MTUS2: variants seen among roughly 807,000 people sequenced by gnomAD.
MTUS2 encodes microtubule associated scaffold protein 2.
In MTUS2, 40 loss-of-function variants were observed where a neutral mutation model predicts 114.1. The observed-to-expected ratio is 0.35, with a 90% CI of 0.27 to 0.46. The LOEUF (loss-of-function observed/expected upper bound fraction) is 0.46. MTUS2 is among the 20% of genes least tolerant of loss of function. MTUS2 has a pLI of 1.00. For missense variants in MTUS2, 1,679 were observed against 1,705.4 expected (o/e 0.98, Z 0.27); for synonymous variants, 688 against 672.0 (o/e 1.02, Z -0.37).
intron 8 of MTUS2, among the ~76,000 whole-genome samples, chr13:29,416,085 T>TG (rs1351790587): frequency 1.4e-5 from 2 of 144,778 alleles, no homozygotes; most frequent in African/African-American, 2.5e-5. Context: ...CCCACTAATT[T>TG]TTTTTTTTTT....
intron 8 of MTUS2, among the ~76,000 whole-genome samples, chr13:29,393,121 G>C (rs1873636678): frequency 1.3e-5 from 2 of 152,174 alleles, no homozygotes; most frequent in South Asian, 4.1e-4. Context: ...TGTGAGCAAA[G>C]CAGTGACAAA....
intron 8 of MTUS2, among the ~76,000 whole-genome samples, chr13:29,380,104 C>A (rs1318044435): frequency 6.6e-6 from 1 of 152,178 alleles, no homozygotes; most frequent in Admixed American, 6.5e-5. Flanking sequence ...AGCACCAGGA[C>A]TGGAAGGTGG....
Position 29,503,123 on chromosome 13 carries a change from A to T in MTUS2, c.4027A>T (p.Lys1343Ter). ...LQTGDPTSPI[K>*]LSPTSPVYRG... ...AACTGGGGACCCGACCAGTCCGATT[A>T]AACTCTCGCCCACATCTCCCGTTTA... Residue 1343 changes from lysine to a stop codon, truncating the protein, a stop_gained, in exon 16 of 16, where the codon AAA (lysine) becomes TAA (stop). Transcript: ENST00000612955. LOFTEE classifies it high-confidence loss of function. 6.2e-7 allele frequency: 1 copy of T among 1,614,190 alleles called. No homozygotes were observed. The highest frequency in any genetic ancestry group is 8.5e-7 in the Non-Finnish European group (1 of 1,180,030).
chr13:29,304,366 C>T (rs973808395), intron 6 of MTUS2, among the ~76,000 whole-genome samples: 1 of 151,514 alleles, frequency 6.6e-6, no homozygotes, highest in East Asian at 1.9e-4. Flanking sequence ...AGAGCCAAAA[C>T]CCATCAGTAT....
At chr13:28,984,132 G>A (rs1884475120) in intron 2 of MTUS2, among the ~76,000 whole-genome samples, 1 of 152,162 alleles carries the variant, frequency 6.6e-6, no homozygotes, top group African/African-American at 2.4e-5. Flanking sequence ...ATGCACTTGA[G>A]TTAAGGACGA....
At chr13:29,166,487 C>T (rs1480768871) in intron 5 of MTUS2, among the ~76,000 whole-genome samples, 2 of 152,166 alleles carry the variant, frequency 1.3e-5, no homozygotes, top group Admixed American at 6.5e-5. Context: ...GGTGTCAGCC[C>T]CAGACCCATT....
At chr13:29,224,576 G>A (rs571729473) in intron 5 of MTUS2, among the ~76,000 whole-genome samples, 92 of 151,896 alleles carry the variant, frequency 6.1e-4, no homozygotes, top group African/African-American at 2.1e-3. Context: ...TAATTTGGGG[G>A]TATTTTTAAA....
At chr13:29,269,613 C>T (rs547177421) in intron 5 of MTUS2, among the ~76,000 whole-genome samples, 59 of 152,106 alleles carry the variant, frequency 3.9e-4, no homozygotes, top group East Asian at 1.4e-3. Flanking sequence ...TGTCGGTGAG[C>T]GTGTAAAATG....
rs546369224 is a variant in MTUS2, at chr13:29,376,414, TGTA to T, written c.3117+16944_3117+16946del. 4.6e-5 allele frequency among the ~76,000 whole-genome samples: 7 copies of T among 152,156 alleles called. No individual in the cohort carries two copies. The South Asian group carries it at 1.5e-3, about 32-fold the overall frequency. On this transcript the variant is annotated intron_variant, in intron 8 of 15. Coordinates refer to ENST00000612955, the MANE Select transcript of MTUS2 (RefSeq NM_001033602.4). ...CCAACAACTAAAACGTTATTTGAGATGTAGTCAAAAATACAATAAAGCACTTAA... is the reference window on the plus strand; with the variant it reads ...CCAACAACTAAAACGTTATTTGAGATGTCAAAAATACAATAAAGCACTTAA...
chr13:29,079,650 C>G (rs576689703), intron 4 of MTUS2, among the ~76,000 whole-genome samples: 2 of 152,182 alleles, frequency 1.3e-5, no homozygotes, highest in South Asian at 4.1e-4. Context: ...GTTGAAAAAC[C>G]TCTTCTTTAT....
At chr13:28,961,265 T>A (rs1453452947) in intron 2 of MTUS2, among the ~76,000 whole-genome samples, 1 of 152,142 alleles carries the variant, frequency 6.6e-6, no homozygotes, top group Non-Finnish European at 1.5e-5. Context: ...TTTCAAGAAC[T>A]TTAAGATTCA....
intron 2 of MTUS2, among the ~76,000 whole-genome samples, chr13:28,993,909 TTTA>T (rs1247761219): frequency 2.6e-5 from 4 of 152,122 alleles, no homozygotes; most frequent in South Asian, 2.1e-4. Flanking sequence ...ATTTTTATTT[TTTA>T]TTATTATACT....
intron 5 of MTUS2, among the ~76,000 whole-genome samples, chr13:29,262,756 T>C (rs1015977770): frequency 6.6e-6 from 1 of 152,148 alleles, no homozygotes; most frequent in Admixed American, 6.5e-5. Context: ...ATTGTTCATC[T>C]GGTGAAGTTA....
At chr13:28,932,334 A>T (rs1334862984) in intron 2 of MTUS2, among the ~76,000 whole-genome samples, 1 of 152,218 alleles carries the variant, frequency 6.6e-6, no homozygotes, top group African/African-American at 2.4e-5. Context: ...TAAGTAATGC[A>T]GGGATAATTT....
intron 8 of MTUS2, among the ~76,000 whole-genome samples, chr13:29,412,117 A>G (rs1002494069): frequency 6.6e-6 from 1 of 152,170 alleles, no homozygotes; most frequent in Non-Finnish European, 1.5e-5. Flanking sequence ...GTATGATATG[A>G]ATAGTGGTGG....
chr13:29,389,859 A>G (rs1184434672), intron 8 of MTUS2, among the ~76,000 whole-genome samples: 2 of 47,524 alleles, frequency 4.2e-5, no homozygotes, highest in Non-Finnish European at 1.1e-4. Context: ...GTATATATAC[A>G]TACATATGTG....
At chr13:28,927,340 C>T (rs905997759) in intron 2 of MTUS2, among the ~76,000 whole-genome samples, 2 of 151,956 alleles carry the variant, frequency 1.3e-5, no homozygotes, top group Non-Finnish European at 2.9e-5. Flanking sequence ...GTTGAAGGAT[C>T]ATTTGAGGTC....
intron 4 of MTUS2, among the ~76,000 whole-genome samples, chr13:29,073,158 G>A (rs1889022457): frequency 1.3e-5 from 2 of 152,256 alleles, no homozygotes; most frequent in African/African-American, 2.4e-5. Context: ...CCAAACAGAA[G>A]TGCAAATGCA....
chr13:29,256,458 G>C (rs1724035419), intron 5 of MTUS2, among the ~76,000 whole-genome samples: 1 of 152,228 alleles, frequency 6.6e-6, no homozygotes, highest in South Asian at 2.1e-4. Context: ...AGAGGGGCGT[G>C]GGCTGAGCCC....
Sources: gnomAD v4.1 joint callset for allele counts (sites outside exome capture counted in the v4.1 genomes callset) on GRCh38, gnomAD v4.1.1 for gene constraint, MANE v1.5 for transcripts, NCBI Gene and HGNC (gene_info 2026-07-23, HGNC 2026-07-21) for gene names.